PDE1C: variants seen among roughly 807,000 people sequenced by gnomAD.
The protein encoded by PDE1C is dual specificity calcium/calmodulin-dependent 3',5'-cyclic nucleotide phosphodiesterase 1C.
PDE1C carries 62 observed loss-of-function variants against 93.1 expected under a neutral mutation model. The ratio of observed to expected loss-of-function variants is 0.67; its 90% CI spans 0.54 to 0.82. The LOEUF is 0.82. Among genes scored for constraint, PDE1C ranks in the 40% least tolerant of loss-of-function variants. The pLI is 0.00. For synonymous variants in PDE1C, 325 were observed against 310.1 expected (o/e 1.05, Z -0.50); for missense variants, 742 against 884.6 (o/e 0.84, Z 2.04).
At chr7:31,871,047 G>C (rs1795886486) in intron 6 of PDE1C, among the ~76,000 whole-genome samples, 1 of 151,454 alleles carries the variant, frequency 6.6e-6, no homozygotes, top group Non-Finnish European at 1.5e-5. Context: ...CAGTCCAATG[G>C]AATAGAATAA....
At chr7:32,306,638 C>G (rs181743396) in intron 1 of PDE1C, among the ~76,000 whole-genome samples, 1 of 152,302 alleles carries the variant, frequency 6.6e-6, no homozygotes, top group Admixed American at 6.5e-5. Context: ...TCATGTCTTT[C>G]CTTTGCCTAA....
At chr7:31,642,973 A>G in the PDE1C span, 6 of 1,613,950 alleles carry the variant, frequency 3.7e-6, no homozygotes, top group East Asian at 2.2e-5. Context: ...AGAATGCCCA[A>G]GGAAAGACAG....
At chr7:31,943,672 C>A (rs1459855895) in intron 2 of PDE1C, among the ~76,000 whole-genome samples, 2 of 151,996 alleles carry the variant, frequency 1.3e-5, no homozygotes, top group Non-Finnish European at 2.9e-5. Flanking sequence ...ATTCATTCTC[C>A]CCAAATTTCT....
chr7:32,287,069 A>C (rs988990643), intron 1 of PDE1C, among the ~76,000 whole-genome samples: 2 of 152,168 alleles, frequency 1.3e-5, no homozygotes, highest in Non-Finnish European at 2.9e-5. Flanking sequence ...CCACACAGAA[A>C]TGGCTAGTTA....
At chr7:31,939,409 T>C (rs565724088) in intron 2 of PDE1C, among the ~76,000 whole-genome samples, 1 of 152,290 alleles carries the variant, frequency 6.6e-6, no homozygotes, top group African/African-American at 2.4e-5. Flanking sequence ...GAGTTTAAGA[T>C]AAACCCTGCC....
rs552992634 is a variant in PDE1C, at chr7:32,139,158, T to C, written c.308+30627A>G. On this transcript the variant is annotated intron_variant, in intron 3 of 18. Transcript: ENST00000396193. ...GTAATCAATCTTTGTTTTTTAGAAATAGGGTCTTTCTCCATCACCCAGGCT... is the reference window on the plus strand; with the variant it reads ...GTAATCAATCTTTGTTTTTTAGAAACAGGGTCTTTCTCCATCACCCAGGCT... 3.3e-5 allele frequency among the ~76,000 whole-genome samples: 5 copies of C among 152,116 alleles called. 1 individual carries two copies. The South Asian group carries it at 6.2e-4, about 19-fold the overall frequency.
intron 3 of PDE1C, among the ~76,000 whole-genome samples, chr7:32,154,893 G>C (rs1053151189): frequency 1.2e-4 from 19 of 152,218 alleles, no homozygotes; most frequent in African/African-American, 4.6e-4. Flanking sequence ...GGGCTTCCTA[G>C]TTCTCCAGCC....
At chr7:32,102,733 T>C (rs1374851836) in intron 3 of PDE1C, among the ~76,000 whole-genome samples, 2 of 152,230 alleles carry the variant, frequency 1.3e-5, no homozygotes, top group African/African-American at 4.8e-5. Context: ...GTTTAGTCTT[T>C]GTGTTCCTGG....
intron 1 of PDE1C, among the ~76,000 whole-genome samples, chr7:32,209,935 A>G (rs1805877967): frequency 6.6e-6 from 1 of 152,206 alleles, no homozygotes; most frequent in Admixed American, 6.5e-5. Context: ...CACCCCAAGC[A>G]TCGAAATGAA....
intron 3 of PDE1C, among the ~76,000 whole-genome samples, chr7:32,084,533 A>C (rs10240773): frequency 0.62 from 92,105 of 148,200 alleles, 29,058 homozygotes; most frequent in African/African-American, 0.71. Context: ...CTCCACCCCA[A>C]ATCAACAGAA....
At chr7:31,777,197 G>C (rs917175204) in intron 16 of PDE1C, among the ~76,000 whole-genome samples, 3 of 152,048 alleles carry the variant, frequency 2.0e-5, no homozygotes, top group Non-Finnish European at 2.9e-5. Context: ...TCTGAAGACT[G>C]GGCAGTGTCA....
At chr7:31,850,791 C>T (rs1793232966) in intron 7 of PDE1C, 50 bp from the exon 8 acceptor site, 1 of 1,351,194 alleles carries the variant, frequency 7.4e-7, no homozygotes, top group Admixed American at 1.7e-5. Flanking sequence ...TTCTCAAAGT[C>T]TTCAGCTTGC....
intron 16 of PDE1C, among the ~76,000 whole-genome samples, chr7:31,808,670 A>G (rs927591155): frequency 3.9e-5 from 6 of 151,986 alleles, no homozygotes; most frequent in African/African-American, 9.7e-5. Flanking sequence ...TTTATGCTGC[A>G]TGATTCCCCA....
At chr7:32,239,628 A>G (rs2128868633) in intron 1 of PDE1C, among the ~76,000 whole-genome samples, 1 of 152,358 alleles carries the variant, frequency 6.6e-6, no homozygotes, top group Non-Finnish European at 1.5e-5. Flanking sequence ...TACTTTACTA[A>G]TAATCAGGAA....
intron 1 of PDE1C, among the ~76,000 whole-genome samples, chr7:32,293,126 C>T (rs1463841269): frequency 6.6e-6 from 1 of 152,214 alleles, no homozygotes; most frequent in African/African-American, 2.4e-5. Flanking sequence ...ATTGAACAGA[C>T]ACCCACAGGG....
chr7:32,289,436 T>C (rs1200787680), intron 1 of PDE1C, among the ~76,000 whole-genome samples: 1 of 152,178 alleles, frequency 6.6e-6, no homozygotes, highest in East Asian at 1.9e-4. Context: ...AAATAAGTGG[T>C]CAGCTATTTC....
At chr7:32,317,586 G>A (rs1321867032) in intron 1 of PDE1C, among the ~76,000 whole-genome samples, 1 of 147,168 alleles carries the variant, frequency 6.8e-6, no homozygotes, top group Non-Finnish European at 1.5e-5. Context: ...GAAAGTGATA[G>A]TTTTTTTTTT....
chr7:32,191,439 T>C (rs1266075725), intron 2 of PDE1C, among the ~76,000 whole-genome samples: 1 of 152,128 alleles, frequency 6.6e-6, no homozygotes, highest in Non-Finnish European at 1.5e-5. Context: ...TCTATCTTTA[T>C]AGTTGTGTCA....
chr7:31,988,686 C>T (rs1352742203), intron 2 of PDE1C, among the ~76,000 whole-genome samples: 1 of 151,970 alleles, frequency 6.6e-6, no homozygotes, highest in Non-Finnish European at 1.5e-5. Context: ...AGAGTGAGAC[C>T]CTGTCTCTTA....
Sources: gnomAD v4.1 joint callset for allele counts (sites outside exome capture counted in the v4.1 genomes callset) on GRCh38, gnomAD v4.1.1 for gene constraint, MANE v1.5 for transcripts, NCBI Gene and HGNC (gene_info 2026-07-23, HGNC 2026-07-21) for gene names.